The following SCHIP1 variants were observed in gnomAD, a reference collection of about 807,000 sequenced individuals.
The protein encoded by SCHIP1 is schwannomin interacting protein 1.
A neutral mutation model predicts 29.7 loss-of-function variants in SCHIP1; 8 were observed. That is an observed-to-expected ratio of 0.27 (90% confidence interval 0.16 to 0.49). The LOEUF (loss-of-function observed/expected upper bound fraction) is 0.49, where lower values mean the gene tolerates loss of function less well. SCHIP1 is among the 20% of genes least tolerant of loss of function. The pLI is 0.99. For synonymous variants in SCHIP1, 76 were observed against 94.9 expected (o/e 0.80, Z 1.16); for missense variants, 193 against 294.6 (o/e 0.66, Z 2.52).
At chr3:159,275,309 T>C in the SCHIP1 span, among the ~76,000 whole-genome samples, 1 of 152,202 alleles carries the variant, frequency 6.6e-6, no homozygotes, top group Non-Finnish European at 1.5e-5. Context: ...TCACACACCA[T>C]TGCATGTACC....
chr3:159,478,047 A>G, the SCHIP1 span, among the ~76,000 whole-genome samples: 773 of 147,592 alleles, frequency 5.2e-3, 7 homozygotes, highest in African/African-American at 0.018. Flanking sequence ...CTCAGCCTCC[A>G]GAGTAGCTGG....
the SCHIP1 span, among the ~76,000 whole-genome samples, chr3:159,785,653 G>A: frequency 1.3e-4 from 19 of 151,088 alleles, no homozygotes; most frequent in Admixed American, 9.2e-4. Context: ...TCAGATTCAA[G>A]TGTTGCAATA....
chr3:159,382,203 AC>A, the SCHIP1 span, among the ~76,000 whole-genome samples: 16 of 146,934 alleles, frequency 1.1e-4, no homozygotes, highest in South Asian at 2.2e-4. Flanking sequence ...GGTGTGCTGC[AC>A]CCATTAACTC....
chr3:159,678,051 A>C, the SCHIP1 span, among the ~76,000 whole-genome samples: 1 of 152,224 alleles, frequency 6.6e-6, no homozygotes, highest in African/African-American at 2.4e-5. Flanking sequence ...CCATTATTCT[A>C]GTTATTTCAC....
the SCHIP1 span, among the ~76,000 whole-genome samples, chr3:159,820,510 A>G: frequency 1.3e-5 from 2 of 152,218 alleles, no homozygotes; most frequent in Admixed American, 1.3e-4. Flanking sequence ...TCAATATGGT[A>G]TAGAATATTT....
chr3:159,276,107 A>G, the SCHIP1 span, among the ~76,000 whole-genome samples: 1,311 of 79,818 alleles, frequency 0.016, 16 homozygotes, highest in African/African-American at 0.048. Context: ...GCTGATTTTA[A>G]CCCTTTTGGC....
chr3:159,307,538 A>G, the SCHIP1 span, among the ~76,000 whole-genome samples: 3 of 151,966 alleles, frequency 2.0e-5, no homozygotes, highest in Admixed American at 6.6e-5. Flanking sequence ...TTTTTTTGAT[A>G]TTTTCCTTTG....
the SCHIP1 span, among the ~76,000 whole-genome samples, chr3:159,464,960 T>A: frequency 9.1e-4 from 139 of 152,256 alleles, 1 homozygote; most frequent in African/African-American, 3.2e-3. Context: ...CTGGATCTCG[T>A]TCTCATGTCA....
At chr3:159,796,590 GC>G in the SCHIP1 span, among the ~76,000 whole-genome samples, 991 of 152,264 alleles carry the variant, frequency 6.5e-3, 15 homozygotes, top group African/African-American at 0.022. Context: ...CTTAGCTACA[GC>G]CCCCCTCTCC....
At chr3:159,698,749 G>A in the SCHIP1 span, among the ~76,000 whole-genome samples, 1 of 152,036 alleles carries the variant, frequency 6.6e-6, no homozygotes, top group East Asian at 1.9e-4. Flanking sequence ...AGCAATTCTC[G>A]TGCTTCAGTC....
chr3:159,782,238 A>C, the SCHIP1 span, among the ~76,000 whole-genome samples: 1 of 152,250 alleles, frequency 6.6e-6, no homozygotes, highest in African/African-American at 2.4e-5. Context: ...TTTTCATTAG[A>C]TGCCCATACT....
At chr3:159,734,921 T>C in the SCHIP1 span, among the ~76,000 whole-genome samples, 1 of 151,254 alleles carries the variant, frequency 6.6e-6, no homozygotes, top group Non-Finnish European at 1.5e-5. Context: ...CCTGTGCCCA[T>C]TCCCTTCACA....
chr3:159,295,273 A>C, the SCHIP1 span, among the ~76,000 whole-genome samples: 104 of 141,156 alleles, frequency 7.4e-4, no homozygotes, highest in African/African-American at 2.4e-3. Flanking sequence ...AAAAAAAAAA[A>C]AAACAACTAG....
chr3:159,743,334 G>T, the SCHIP1 span, among the ~76,000 whole-genome samples: 1 of 152,186 alleles, frequency 6.6e-6, no homozygotes, highest in Admixed American at 6.5e-5. Context: ...CCATGTTCTT[G>T]AGTGGGTGAA....
At chr3:159,878,806 TA>T (rs1315421595) in intron 2 of SCHIP1, among the ~76,000 whole-genome samples, 1 of 143,474 alleles carries the variant, frequency 7.0e-6, no homozygotes, top group Admixed American at 6.9e-5. Context: ...AATAAAAAAA[TA>T]AAAAAATAAA....
the SCHIP1 span, among the ~76,000 whole-genome samples, chr3:159,807,211 A>C: frequency 1.3e-5 from 2 of 152,234 alleles, no homozygotes; most frequent in African/African-American, 4.8e-5. Flanking sequence ...AAACCACTTA[A>C]GAGTTGTAAG....
chr3:159,781,754 C>T, the SCHIP1 span, among the ~76,000 whole-genome samples: 4 of 152,050 alleles, frequency 2.6e-5, no homozygotes, highest in Non-Finnish European at 4.4e-5. Flanking sequence ...AGGAGGGTGA[C>T]AATGGTGCAA....
At chr3:159,540,149 T>A in the SCHIP1 span, among the ~76,000 whole-genome samples, 1 of 152,000 alleles carries the variant, frequency 6.6e-6, no homozygotes, top group Non-Finnish European at 1.5e-5. Context: ...TCCTTGACCA[T>A]CCCGTTGCAT....
the SCHIP1 span, among the ~76,000 whole-genome samples, chr3:159,625,378 G>A: frequency 6.6e-6 from 1 of 152,044 alleles, no homozygotes; most frequent in African/African-American, 2.4e-5. Flanking sequence ...CTCTCTTTTG[G>A]TCTGAGAGTC....
Sources: allele counts gnomAD v4.1 joint callset (sites outside exome capture counted in the v4.1 genomes callset), GRCh38; gene constraint gnomAD v4.1.1; transcripts MANE v1.5; gene names NCBI Gene and HGNC (gene_info 2026-07-23, HGNC 2026-07-21).